RABGAP1L: variants seen among roughly 807,000 people sequenced by gnomAD.
RABGAP1L encodes RAB GTPase activating protein 1 like.
Under a neutral mutation model 137.7 loss-of-function variants are expected in RABGAP1L, and 63 were observed. That is an observed-to-expected ratio of 0.46 (90% confidence interval 0.37 to 0.56). RABGAP1L has a LOEUF of 0.56. RABGAP1L is among the 20% of genes least tolerant of loss of function. The pLI is 0.00. For missense variants in RABGAP1L, 1,095 were observed against 1,244.0 expected (o/e 0.88, Z 1.80); for synonymous variants, 431 against 433.7 (o/e 0.99, Z 0.08).
chr1:174,612,301 CT>C lies in RABGAP1L; in HGVS notation c.1711-25073del, dbSNP rs1263036448. ...ATTTTGTCAAAGGCCTTTTCTGCAT[CT>C]AATGAGATAATCATGTGATTTTTAT... On this transcript the variant is annotated intron_variant, in intron 13 of 25. Coordinates refer to ENST00000681986, the MANE Select transcript of RABGAP1L (RefSeq NM_001366446.1). Among the ~76,000 whole-genome samples, 15 of 152,306 alleles carry C rather than the reference CT, an allele frequency of 9.8e-5. No homozygotes were observed. The East Asian group carries it at 1.3e-3, about 14-fold the overall frequency.
At chr1:174,908,285 A>G (rs910088802) in intron 19 of RABGAP1L, among the ~76,000 whole-genome samples, 3 of 152,210 alleles carry the variant, frequency 2.0e-5, no homozygotes, top group African/African-American at 7.2e-5. Flanking sequence ...TAAACTACAC[A>G]CTAAATCTAA....
intron 18 of RABGAP1L, among the ~76,000 whole-genome samples, chr1:174,771,357 A>G (rs981855515): frequency 1.3e-5 from 2 of 152,116 alleles, no homozygotes; most frequent in African/African-American, 4.8e-5. Context: ...ATATGTGTGT[A>G]TGTTTGTATG....
chr1:174,831,079 A>C (rs1692067251), intron 19 of RABGAP1L, among the ~76,000 whole-genome samples: 1 of 147,994 alleles, frequency 6.8e-6, no homozygotes, highest in South Asian at 2.2e-4. Context: ...ATTTAATTTT[A>C]TTTTAATTTG....
chr1:174,774,261 A>C (rs1008828065), intron 18 of RABGAP1L, among the ~76,000 whole-genome samples: 1 of 152,160 alleles, frequency 6.6e-6, no homozygotes, highest in African/African-American at 2.4e-5. Context: ...ATTTAGAATA[A>C]AGTCATTTAT....
chr1:174,266,833 GAA>G (rs2148647101), intron 7 of RABGAP1L, among the ~76,000 whole-genome samples: 1 of 152,268 alleles, frequency 6.6e-6, no homozygotes, highest in African/African-American at 2.4e-5. Flanking sequence ...ACAAAGAAAT[GAA>G]AAGTCATAAT....
At chr1:174,749,437 C>T (rs77727672) in intron 17 of RABGAP1L, among the ~76,000 whole-genome samples, 11,917 of 151,804 alleles carry the variant, frequency 0.079, 650 homozygotes, top group East Asian at 0.32. Context: ...TCAAGCACTC[C>T]TCCTGCCTCA....
chr1:174,530,029 C>T (rs79631954), intron 13 of RABGAP1L, among the ~76,000 whole-genome samples: 18,151 of 152,010 alleles, frequency 0.12, 3,658 homozygotes, highest in African/African-American at 0.41. Context: ...AGCCATGTTA[C>T]GCAGGAGTGG....
chr1:174,766,191 G>A (rs1685654679), intron 18 of RABGAP1L, among the ~76,000 whole-genome samples: 1 of 152,116 alleles, frequency 6.6e-6, no homozygotes, highest in South Asian at 2.1e-4. Context: ...CTGACACCTT[G>A]ATCTTAGACT....
chr1:174,575,288 A>C (rs1202601637), intron 13 of RABGAP1L, among the ~76,000 whole-genome samples: 1 of 152,178 alleles, frequency 6.6e-6, no homozygotes, highest in Non-Finnish European at 1.5e-5. Context: ...TGGATAATAT[A>C]TTTGGTAAAA....
chr1:174,284,832 CG>C (rs888337360), intron 10 of RABGAP1L, among the ~76,000 whole-genome samples: 2 of 130,286 alleles, frequency 1.5e-5, no homozygotes, highest in African/African-American at 5.9e-5. Context: ...TATGGATATT[CG>C]GGTTCTATAT....
chr1:174,672,345 A>T (rs1009537136), intron 14 of RABGAP1L, among the ~76,000 whole-genome samples: 2 of 147,624 alleles, frequency 1.4e-5, no homozygotes, highest in Non-Finnish European at 3.0e-5. Context: ...CAGTGGCTCA[A>T]TCTCTGCTCA....
At chr1:174,510,826 A>T (rs1484042539) in intron 13 of RABGAP1L, among the ~76,000 whole-genome samples, 4 of 152,206 alleles carry the variant, frequency 2.6e-5, no homozygotes, top group African/African-American at 9.6e-5. Context: ...TTAATTACAG[A>T]CATATTTATC....
intron 19 of RABGAP1L, among the ~76,000 whole-genome samples, chr1:174,866,727 C>T (rs1486114527): frequency 6.6e-6 from 1 of 151,916 alleles, no homozygotes; most frequent in Non-Finnish European, 1.5e-5. Flanking sequence ...GCCTGGGCAA[C>T]ATGGTGAAAC....
At chr1:174,582,637 A>G (rs1228788380) in intron 13 of RABGAP1L, among the ~76,000 whole-genome samples, 1 of 152,198 alleles carries the variant, frequency 6.6e-6, no homozygotes, top group Non-Finnish European at 1.5e-5. Flanking sequence ...ACTTCATACA[A>G]TATGAGTACT....
At chr1:174,579,751 C>T (rs1668605935) in intron 13 of RABGAP1L, among the ~76,000 whole-genome samples, 1 of 152,152 alleles carries the variant, frequency 6.6e-6, no homozygotes. Context: ...GGTAAATCTT[C>T]ATGACTTTGG....
At chr1:174,704,453 C>T (rs964906675) in intron 17 of RABGAP1L, among the ~76,000 whole-genome samples, 1 of 152,186 alleles carries the variant, frequency 6.6e-6, no homozygotes, top group African/African-American at 2.4e-5. Flanking sequence ...GTCTTTTGCT[C>T]TTCAGTGGCT....
At chr1:174,283,290 C>G (rs1028724063) in intron 10 of RABGAP1L, among the ~76,000 whole-genome samples, 4 of 151,856 alleles carry the variant, frequency 2.6e-5, no homozygotes, top group African/African-American at 9.7e-5. Context: ...CCTGTGGTCC[C>G]AGCTTCTCAG....
At chr1:174,711,645 C>T (rs759645202) in intron 17 of RABGAP1L, among the ~76,000 whole-genome samples, 8 of 152,194 alleles carry the variant, frequency 5.3e-5, no homozygotes, top group Non-Finnish European at 7.4e-5. Context: ...GGGCAGGGTT[C>T]GGGACCTGCA....
In RABGAP1L at chr1:174,775,650, A is replaced by G. The variant is rs1686471863; in HGVS notation, c.2211+23296A>G. 2.0e-5 allele frequency among the ~76,000 whole-genome samples: 3 copies of G among 152,126 alleles called. No individual in the cohort carries two copies. The South Asian group carries it at 6.2e-4, about 31-fold the overall frequency. The stretch of plus-strand genomic sequence containing the variant: ...TTTAAGAAAACAATCAGCAGTCTAT[A>G]TAGTCTACCCTACTGACCTTTCAGT... On this transcript the variant is annotated intron_variant, in intron 18 of 25. Coordinates refer to ENST00000681986, the MANE Select transcript of RABGAP1L (RefSeq NM_001366446.1).
Sources: allele counts gnomAD v4.1 joint callset (sites outside exome capture counted in the v4.1 genomes callset), GRCh38; gene constraint gnomAD v4.1.1; transcripts MANE v1.5; gene names NCBI Gene and HGNC (gene_info 2026-07-23, HGNC 2026-07-21).